Variants in EPB41L4A observed in about 807,000 individuals in gnomAD.
The protein encoded by EPB41L4A is band 4.1-like protein 4A.
Under a neutral mutation model 108.6 loss-of-function variants are expected in EPB41L4A, and 100 were observed. That is an observed-to-expected ratio of 0.92 (90% CI 0.78 to 1.09). The LOEUF (loss-of-function observed/expected upper bound fraction) is 1.09. Among genes scored for constraint, EPB41L4A ranks in the 50% least tolerant of loss-of-function variants. The pLI is 0.00. For synonymous variants in EPB41L4A, 319 were observed against 289.0 expected, an observed-to-expected ratio of 1.10 and a Z score of -1.05; for missense variants, 1,030 against 842.7, an observed-to-expected ratio of 1.22 and a Z score of -2.75.
chr5:112,186,848 C>T (rs1761454856), intron 17 of EPB41L4A, among the ~76,000 whole-genome samples: 1 of 152,140 alleles, frequency 6.6e-6, no homozygotes, highest in Admixed American at 6.5e-5. Context: ...AAAATCCTAG[C>T]CCTAGAAGCA....
chr5:112,323,292 C>A lies in EPB41L4A; in HGVS notation c.100-15802G>T, dbSNP rs2150632130. ...GATAATTCTCTAGACTGAAAGGGCT[C>A]CCAGCAAGCTTAGGCAGCAATAAGA... On this transcript the variant is annotated intron_variant, in intron 1 of 22. Transcript: ENST00000261486. Among the ~76,000 whole-genome samples, 6 of 152,238 alleles carry A rather than the reference C, an allele frequency of 3.9e-5. 1 individual carries two copies. The South Asian group carries it at 1.2e-3, about 32-fold the overall frequency.
chr5:112,399,743 C>T (rs1246024612), intron 1 of EPB41L4A, among the ~76,000 whole-genome samples: 3 of 152,154 alleles, frequency 2.0e-5, no homozygotes, highest in Admixed American at 2.0e-4. Context: ...TTAATGGCTT[C>T]AGGCCCTTCA....
intron 1 of EPB41L4A, among the ~76,000 whole-genome samples, chr5:112,415,499 A>G (rs1329857097): frequency 3.3e-5 from 5 of 152,188 alleles, no homozygotes; most frequent in Non-Finnish European, 7.4e-5. Context: ...TGTAGCAGCA[A>G]TTTTGAGAAT....
intron 22 of EPB41L4A, among the ~76,000 whole-genome samples, chr5:112,165,595 C>G (rs1760194768): frequency 6.6e-6 from 1 of 152,234 alleles, no homozygotes; most frequent in Non-Finnish European, 1.5e-5. Context: ...ACCACATCCA[C>G]TAGTTTGTAA....
rs78316823 is a variant in EPB41L4A at position 112,236,957 on chromosome 5, A to G, written c.966-2202T>C. On this transcript the variant is annotated intron_variant, in intron 11 of 22. Transcript: ENST00000261486. ...CTTAGGAGAACTTGGTCTCTCTTCC[A>G]TGCTTCATAGAATGTGAAATCTCAT... Among the ~76,000 whole-genome samples, 880 of 152,326 alleles carry G rather than the reference A, an allele frequency of 5.8e-3. 3 individuals are homozygous for G. Among genetic ancestry groups the G allele is most frequent in the Middle Eastern group, 0.01 (3 of 294 alleles).
chr5:112,306,443 A>T (rs1344394142), intron 2 of EPB41L4A, among the ~76,000 whole-genome samples: 1 of 152,160 alleles, frequency 6.6e-6, no homozygotes, highest in Non-Finnish European at 1.5e-5. Context: ...AGATTAAGGA[A>T]CCAGCTCAAG....
At chr5:112,382,333 G>T (rs2112612542) in intron 1 of EPB41L4A, among the ~76,000 whole-genome samples, 1 of 152,182 alleles carries the variant, frequency 6.6e-6, no homozygotes. Flanking sequence ...AGAAAAGAAA[G>T]GAAGCAAGTG....
chr5:112,269,766 T>C (rs1056623306), intron 4 of EPB41L4A, among the ~76,000 whole-genome samples: 8 of 152,224 alleles, frequency 5.3e-5, no homozygotes, highest in African/African-American at 1.9e-4. Flanking sequence ...TAAAAATATC[T>C]ACTTAACAAG....
chr5:112,295,767 C>G (rs1017175325), intron 2 of EPB41L4A, among the ~76,000 whole-genome samples: 3 of 152,154 alleles, frequency 2.0e-5, no homozygotes, highest in Non-Finnish European at 2.9e-5. Flanking sequence ...TTGGCCTATA[C>G]TTGGGTGGTT....
chr5:112,281,591 G>A (rs1274728148), intron 2 of EPB41L4A, among the ~76,000 whole-genome samples: 3 of 152,238 alleles, frequency 2.0e-5, no homozygotes, highest in African/African-American at 7.2e-5. Context: ...GCTCCTTAAT[G>A]AAGAAGGGGC....
At chr5:112,360,067 C>G (rs1758621189) in intron 1 of EPB41L4A, among the ~76,000 whole-genome samples, 1 of 152,144 alleles carries the variant, frequency 6.6e-6, no homozygotes, top group African/African-American at 2.4e-5. Context: ...AACTATCAGG[C>G]CAAGCATGGT....
At chr5:112,414,060 T>C (rs954915198) in intron 1 of EPB41L4A, among the ~76,000 whole-genome samples, 4 of 152,082 alleles carry the variant, frequency 2.6e-5, no homozygotes, top group Non-Finnish European at 5.9e-5. Context: ...AAACTGAAAC[T>C]CAGAAACGAC....
At chr5:112,326,209 C>A (rs1440213995) in intron 1 of EPB41L4A, among the ~76,000 whole-genome samples, 2 of 152,120 alleles carry the variant, frequency 1.3e-5, no homozygotes, top group African/African-American at 4.8e-5. Flanking sequence ...CTTCCACTGA[C>A]TGCCTCTCTT....
chr5:112,412,845 G>A (rs766677773), intron 1 of EPB41L4A, among the ~76,000 whole-genome samples: 4 of 152,206 alleles, frequency 2.6e-5, no homozygotes, highest in Non-Finnish European at 5.9e-5. Context: ...CAACAGGCCT[G>A]CAGACAAACA....
intron 1 of EPB41L4A, among the ~76,000 whole-genome samples, chr5:112,377,703 C>G (rs1278232931): frequency 6.6e-6 from 1 of 152,170 alleles, no homozygotes; most frequent in Admixed American, 6.6e-5. Context: ...GAGTGGACCA[C>G]TTTCTCTGCT....
intron 1 of EPB41L4A, among the ~76,000 whole-genome samples, chr5:112,392,100 G>C (rs1760985091): frequency 6.6e-6 from 1 of 152,094 alleles, no homozygotes; most frequent in Non-Finnish European, 1.5e-5. Flanking sequence ...GGAACAACTG[G>C]TACCAGCCAC....
chr5:112,391,132 A>T (rs1456889885), intron 1 of EPB41L4A, among the ~76,000 whole-genome samples: 1 of 152,238 alleles, frequency 6.6e-6, no homozygotes, highest in Non-Finnish European at 1.5e-5. Flanking sequence ...AGAGTAAAAA[A>T]GCTGAAAATT....
At chr5:112,226,149 G>A (rs1748434080) in intron 12 of EPB41L4A, among the ~76,000 whole-genome samples, 1 of 152,210 alleles carries the variant, frequency 6.6e-6, no homozygotes, top group Admixed American at 6.5e-5. Flanking sequence ...GGTATTTCAT[G>A]TGGGGCAGAG....
chr5:112,206,356 C>A (rs1461209457), intron 13 of EPB41L4A, among the ~76,000 whole-genome samples: 2 of 146,610 alleles, frequency 1.4e-5, no homozygotes. Context: ...GGAAAGATGA[C>A]GAGGTATTAA....
Sources: allele counts gnomAD v4.1 joint callset (sites outside exome capture counted in the v4.1 genomes callset), GRCh38; gene constraint gnomAD v4.1.1; transcripts MANE v1.5; gene names NCBI Gene and HGNC (gene_info 2026-07-23, HGNC 2026-07-21).